Variants in FGL1 observed in about 807,000 individuals in gnomAD.
FGL1 encodes fibrinogen-like protein 1.
A neutral mutation model predicts 43.7 loss-of-function variants in FGL1; 59 were observed. That is an observed-to-expected ratio of 1.35 (90% CI 1.10 to 1.68). FGL1 has a LOEUF of 1.68. Among genes scored for constraint, FGL1 ranks in the 40% most tolerant of loss-of-function variants. FGL1 has a pLI of 0.00. For missense variants in FGL1, 596 were observed against 373.0 expected (o/e 1.60, Z -4.92); for synonymous variants, 192 against 126.5 (o/e 1.52, Z -3.48).
At chr8:17,888,065 C>T (rs889750742) in intron 1 of FGL1, among the ~76,000 whole-genome samples, 1 of 151,218 alleles carries the variant, frequency 6.6e-6, no homozygotes, top group African/African-American at 2.4e-5. Flanking sequence ...TAATCTTAGG[C>T]CCAGTAATAG....
At chr8:17,891,988 A>G (rs2053711596) in intron 1 of FGL1, among the ~76,000 whole-genome samples, 1 of 152,232 alleles carries the variant, frequency 6.6e-6, no homozygotes, top group Admixed American at 6.5e-5. Flanking sequence ...AAGATATTTG[A>G]AAGTTGGCTC....
chr8:17,870,327 A>C (rs2053339321), intron 5 of FGL1, among the ~76,000 whole-genome samples: 1 of 152,144 alleles, frequency 6.6e-6, no homozygotes, highest in African/African-American at 2.4e-5. Context: ...CATTGTTTGG[A>C]AATAACAAAG....
At position 17,890,022 on chromosome 8, in the gene FGL1, C is replaced by T. The variant is rs1477175846; in HGVS notation, c.-17-4451G>A. 3.3e-5 allele frequency among the ~76,000 whole-genome samples: 5 copies of T among 152,256 alleles called. No homozygotes were observed. The East Asian group carries it at 5.8e-4, about 18-fold the overall frequency. ...CCCATGTTAATACATTAATGTGTGC[C>T]ATTTAAAATATGTTTACAAAATTGC... On this transcript the variant is annotated intron_variant, in intron 1 of 7. Transcript: ENST00000427924.
rs546946082 is a variant in FGL1, at chr8:17,888,910, C to T, written c.-17-3339G>A. ...TGAATGGATTCTAGTCCTCTAATCC[C>T]TGTCACTAGAAAATGACTGACCTAC... On this transcript the variant is annotated intron_variant, in intron 1 of 7. Coordinates refer to ENST00000427924, the MANE Select transcript of FGL1 (RefSeq NM_004467.4). Among the ~76,000 whole-genome samples the T allele has an allele frequency of 3.0e-4, 46 of 152,300 alleles. No individual in the cohort carries two copies. The Middle Eastern group carries it at 0.014, about 45-fold the overall frequency.
In FGL1 at chr8:17,868,877, C is replaced by A. The variant is rs570007513; in HGVS notation, c.591+39G>T. 2.7e-5 allele frequency: 41 copies of A among 1,502,262 alleles called. No individual in the cohort carries two copies. The East Asian group carries it at 3.9e-4, about 14-fold the overall frequency. The allele number at this position is 1,502,262 out of a possible 1,614,324, so 93.1% of individuals were successfully genotyped here. ...CCAGGGTTATATTGCACATTTTAAG[C>A]ATTTATTCACGGTTTTACTTCTTAG... On this transcript the variant is annotated intron_variant, in intron 6 of 7. Coordinates refer to ENST00000427924, the MANE Select transcript of FGL1 (RefSeq NM_004467.4).
chr8:17,872,079 G>A (rs1237776289), intron 5 of FGL1, among the ~76,000 whole-genome samples: 1 of 152,048 alleles, frequency 6.6e-6, no homozygotes, highest in Non-Finnish European at 1.5e-5. Flanking sequence ...TAATAGATAT[G>A]TTGAAGGAAA....
chr8:17,891,620 G>C, intron 1 of FGL1: 2 of 934,960 alleles, frequency 2.1e-6, no homozygotes, highest in Non-Finnish European at 2.6e-6. Flanking sequence ...GGGCACAGCT[G>C]AACCTAGCAC....
At chr8:17,883,722 C>A (rs1292805795) in intron 2 of FGL1, among the ~76,000 whole-genome samples, 2 of 145,022 alleles carry the variant, frequency 1.4e-5, no homozygotes, top group Non-Finnish European at 3.0e-5. Context: ...GTACATCTCC[C>A]CTCCCTCCCA....
chr8:17,893,356 C>G (rs188206552), intron 1 of FGL1, among the ~76,000 whole-genome samples: 1 of 151,482 alleles, frequency 6.6e-6, no homozygotes, highest in Admixed American at 6.6e-5. Flanking sequence ...ATTTTACCTA[C>G]GCACACTGTA....
intron 1 of FGL1, among the ~76,000 whole-genome samples, chr8:17,893,374 G>A (rs1050129381): frequency 1.5e-4 from 22 of 150,964 alleles, no homozygotes; most frequent in African/African-American, 3.9e-4. Flanking sequence ...GTATATATAC[G>A]TATATGTATG....
intron 3 of FGL1, among the ~76,000 whole-genome samples, chr8:17,875,644 G>A (rs906023975): frequency 8.1e-5 from 12 of 147,918 alleles, no homozygotes; most frequent in African/African-American, 2.3e-4. Flanking sequence ...TTGCTCTTTC[G>A]CCCAGGCTGG....
intron 7 of FGL1, 35 bp from the exon 8 acceptor site, chr8:17,864,786 T>A (rs777090626): frequency 1.4e-6 from 2 of 1,420,404 alleles, no homozygotes; most frequent in Admixed American, 5.6e-5. Context: ...AAAACAACAA[T>A]CAGACTGGAA....
intron 3 of FGL1, among the ~76,000 whole-genome samples, chr8:17,875,033 G>A (rs913045184): frequency 2.0e-5 from 3 of 152,078 alleles, no homozygotes; most frequent in East Asian, 1.9e-4. Context: ...TTTATCAGAC[G>A]GAATAGTAAA....
Position 17,882,014 on chromosome 8 carries a change from T to G in FGL1, c.229A>C (p.Lys77Gln). ...CCATTCTGACCTGCATACTGCCTCT[T>G]GCTTCCAAGATCAATGACAGTATTC... ...DENTVIDLGSKRQYADCSEIF... is the reference protein window; with the variant it reads ...DENTVIDLGSQRQYADCSEIF... The change falls in exon 3 of 8, where the codon AAG becomes CAG. Residue 77 changes from lysine to glutamine, a missense_variant. Lys to Gln is a moderately conservative substitution (Grantham distance 53). Coordinates refer to ENST00000427924, the MANE Select transcript of FGL1 (RefSeq NM_004467.4). 1 of 1,613,878 alleles carries G rather than the reference T, an allele frequency of 6.2e-7. No individual in the cohort carries two copies. The highest frequency in any genetic ancestry group is 8.5e-7 in the Non-Finnish European group (1 of 1,179,894).
At chr8:17,885,654 A>G in intron 1 of FGL1, 83 bp from the exon 2 acceptor site, 1 of 1,156,036 alleles carries the variant, frequency 8.7e-7, no homozygotes, top group Non-Finnish European at 1.3e-6. Flanking sequence ...TAGCTCCAGG[A>G]AGTCGGATGC....
At chr8:17,878,771 CTT>C (rs2053493722) in intron 3 of FGL1, among the ~76,000 whole-genome samples, 1 of 151,828 alleles carries the variant, frequency 6.6e-6, no homozygotes, top group African/African-American at 2.4e-5. Flanking sequence ...AATAAAGTAA[CTT>C]GTAAATAAGA....
chr8:17,875,221 A>G (rs979715300), intron 3 of FGL1, among the ~76,000 whole-genome samples: 4 of 152,174 alleles, frequency 2.6e-5, no homozygotes, highest in African/African-American at 7.2e-5. Flanking sequence ...TGTGCACAAC[A>G]TGCAGGTTTG....
At chr8:17,871,413 G>A (rs1405946716) in intron 5 of FGL1, among the ~76,000 whole-genome samples, 6 of 150,166 alleles carry the variant, frequency 4.0e-5, no homozygotes, top group Admixed American at 4.0e-4. Flanking sequence ...AGAATTGCTT[G>A]AGCCAAGAGT....
At chr8:17,871,829 A>T (rs2053366995) in intron 5 of FGL1, among the ~76,000 whole-genome samples, 1 of 152,230 alleles carries the variant, frequency 6.6e-6, no homozygotes, top group South Asian at 2.1e-4. Flanking sequence ...CAGCCTGAGT[A>T]CCAAGTTGAT....
Sources: gnomAD v4.1 joint callset for allele counts (sites outside exome capture counted in the v4.1 genomes callset) on GRCh38, gnomAD v4.1.1 for gene constraint, MANE v1.5 for transcripts, NCBI Gene and HGNC (gene_info 2026-07-23, HGNC 2026-07-21) for gene names.